The following WWOX variants were observed in gnomAD, a reference collection of about 807,000 sequenced individuals.
WWOX encodes the protein WW domain containing oxidoreductase.
WWOX carries 69 observed loss-of-function variants against 46.2 expected under a neutral mutation model. The ratio of observed to expected loss-of-function variants is 1.49; its 90% CI spans 1.23 to 1.82. The LOEUF (loss-of-function observed/expected upper bound fraction) is 1.82. WWOX is among the 40% of genes most tolerant of loss of function. WWOX has a pLI of 0.00. For synonymous variants in WWOX, 359 were observed against 202.6 expected (o/e 1.77, Z -6.56); for missense variants, 919 against 542.6 (o/e 1.69, Z -6.89).
chr16:78,624,383 G>A (rs2046261943), intron 8 of WWOX, among the ~76,000 whole-genome samples: 1 of 152,150 alleles, frequency 6.6e-6, no homozygotes, highest in African/African-American at 2.4e-5. Flanking sequence ...TGTCACCTCT[G>A]AAACAAGACG....
chr16:79,182,615 C>T (rs2050934644), intron 8 of WWOX, among the ~76,000 whole-genome samples: 1 of 152,120 alleles, frequency 6.6e-6, no homozygotes, highest in South Asian at 2.1e-4. Context: ...AGCCAAGATT[C>T]TGGAGTCAGA....
chr16:78,526,071 T>C (rs1339710586), intron 8 of WWOX: 3 of 152,180 alleles, frequency 2.0e-5, no homozygotes, highest in Non-Finnish European at 2.9e-5. Flanking sequence ...TATTTCGGTG[T>C]GCATGCTCAC....
intron 5 of WWOX, among the ~76,000 whole-genome samples, chr16:78,356,061 T>C (rs115076043): frequency 1.1e-5 from 1 of 94,698 alleles, no homozygotes; most frequent in Non-Finnish European, 2.1e-5. Context: ...CCACCAAGAT[T>C]TTTTTTTCCT....
intron 5 of WWOX, among the ~76,000 whole-genome samples, chr16:78,335,629 T>C (rs780289010): frequency 4.6e-5 from 7 of 152,150 alleles, no homozygotes; most frequent in Non-Finnish European, 1.0e-4. Context: ...ATGATTGTAT[T>C]ATAAAGGTAC....
intron 7 of WWOX, among the ~76,000 whole-genome samples, chr16:78,426,132 TG>T (rs2151960837): frequency 6.6e-6 from 1 of 152,314 alleles, no homozygotes; most frequent in South Asian, 2.1e-4. Context: ...TCCTCCCCCG[TG>T]TTAAAAGACA....
At chr16:79,137,334 C>G (rs566194785) in intron 8 of WWOX, among the ~76,000 whole-genome samples, 40 of 152,270 alleles carry the variant, frequency 2.6e-4, no homozygotes, top group Non-Finnish European at 5.4e-4. Context: ...CAAGGCTTAT[C>G]AAAAGAAAAT....
chr16:79,094,260 C>G (rs79385155), intron 8 of WWOX, among the ~76,000 whole-genome samples: 3 of 90,628 alleles, frequency 3.3e-5, no homozygotes, highest in East Asian at 3.8e-4. Context: ...TTTTTTTTTT[C>G]TTTTTTTCTT....
intron 8 of WWOX, among the ~76,000 whole-genome samples, chr16:79,063,631 C>A (rs938734987): frequency 6.6e-6 from 1 of 152,210 alleles, no homozygotes; most frequent in Non-Finnish European, 1.5e-5. Flanking sequence ...TCACTAGAAA[C>A]ACTGACTCTT....
At chr16:78,667,902 T>C (rs1207311939) in intron 8 of WWOX, among the ~76,000 whole-genome samples, 1 of 152,098 alleles carries the variant, frequency 6.6e-6, no homozygotes, top group East Asian at 1.9e-4. Context: ...CTTATCTGTT[T>C]CTAGGATGTG....
chr16:78,681,031 C>G (rs537807248), intron 8 of WWOX, among the ~76,000 whole-genome samples: 1 of 152,186 alleles, frequency 6.6e-6, no homozygotes, highest in Non-Finnish European at 1.5e-5. Flanking sequence ...GGCGCATTGC[C>G]TGAGGTCGAG....
chr16:78,339,421 T>A lies in WWOX; in HGVS notation c.517-47439T>A, dbSNP rs1163458668. ...CCTTTGTACCTTCTGCAGTTTGGGG[T>A]TGTTGTCCTTTTTGCTTGGTGCACA... On this transcript the variant is annotated intron_variant, in intron 5 of 8. Coordinates refer to ENST00000566780, the MANE Select transcript of WWOX (RefSeq NM_016373.4). 2.6e-5 allele frequency among the ~76,000 whole-genome samples: 3 copies of A among 116,990 alleles called. 1 individual carries two copies. Among genetic ancestry groups the A allele is most frequent in the African/African-American group, 8.7e-5 (3 of 34,646 alleles). 76.7% of individuals were successfully genotyped at this position (116,990 alleles called of 152,430 possible). A position where few individuals can be genotyped will look rare whatever the true frequency, so the allele number is the denominator to read the frequency against.
At chr16:78,142,009 A>T (rs2034006138) in intron 4 of WWOX, among the ~76,000 whole-genome samples, 1 of 148,374 alleles carries the variant, frequency 6.7e-6, no homozygotes. Flanking sequence ...TTTTTTTTTT[A>T]AAGATGGTGC....
intron 8 of WWOX, among the ~76,000 whole-genome samples, chr16:78,804,462 C>G (rs1187236159): frequency 6.6e-6 from 1 of 151,832 alleles, no homozygotes; most frequent in Non-Finnish European, 1.5e-5. Context: ...TGAGAAAAGA[C>G]TTTTAATATT....
intron 8 of WWOX, among the ~76,000 whole-genome samples, chr16:79,166,410 T>C (rs996818337): frequency 1.3e-5 from 2 of 152,180 alleles, no homozygotes; most frequent in African/African-American, 4.8e-5. Flanking sequence ...GCCTCCTCTT[T>C]AGTTCATTCC....
At chr16:78,103,939 C>T (rs1025730588) in intron 1 of WWOX, among the ~76,000 whole-genome samples, 2 of 151,958 alleles carry the variant, frequency 1.3e-5, no homozygotes, top group Non-Finnish European at 2.9e-5. Context: ...ACTCCAAAGC[C>T]CACCAGGGTG....
At chr16:78,418,210 C>G (rs529880732) in intron 6 of WWOX, among the ~76,000 whole-genome samples, 1 of 151,688 alleles carries the variant, frequency 6.6e-6, no homozygotes, top group Non-Finnish European at 1.5e-5. Flanking sequence ...AATACAAAAA[C>G]AAGATTAGTG....
At chr16:79,112,514 C>G (rs1367088606) in intron 8 of WWOX, among the ~76,000 whole-genome samples, 4 of 152,138 alleles carry the variant, frequency 2.6e-5, no homozygotes, top group African/African-American at 9.7e-5. Flanking sequence ...GCGAGTTCTT[C>G]AACAAATACT....
At chr16:78,665,520 G>A (rs186494502) in intron 8 of WWOX, among the ~76,000 whole-genome samples, 131 of 152,168 alleles carry the variant, frequency 8.6e-4, no homozygotes, top group African/African-American at 3.0e-3. Flanking sequence ...TCTCCTTGAG[G>A]CAGAAACTTT....
At chr16:78,332,713 A>T (rs1262661915) in intron 5 of WWOX, among the ~76,000 whole-genome samples, 2 of 152,144 alleles carry the variant, frequency 1.3e-5, no homozygotes, top group Non-Finnish European at 2.9e-5. Flanking sequence ...TGTAGTTATA[A>T]TAATGTCATG....
Sources: gnomAD v4.1 joint callset for allele counts (sites outside exome capture counted in the v4.1 genomes callset) on GRCh38, gnomAD v4.1.1 for gene constraint, MANE v1.5 for transcripts, NCBI Gene and HGNC (gene_info 2026-07-23, HGNC 2026-07-21) for gene names.